Variants in PBRM1 observed in about 807,000 individuals in gnomAD.
PBRM1 encodes the protein polybromo 1, also known as protein polybromo-1.
A neutral mutation model predicts 194.5 loss-of-function variants in PBRM1; 27 were observed. The observed-to-expected ratio is 0.14, with a 90% CI of 0.10 to 0.19. The LOEUF (loss-of-function observed/expected upper bound fraction) is 0.19, where lower values mean the gene tolerates loss of function less well. PBRM1 is among the 10% of genes least tolerant of loss of function. PBRM1 has a pLI of 1.00. For synonymous variants in PBRM1, 655 were observed against 693.2 expected (o/e 0.94, Z 0.87); for missense variants, 1,466 against 2,077.2 (o/e 0.71, Z 5.72).
chr3:52,669,612 G>A (rs186486097), intron 2 of PBRM1, among the ~76,000 whole-genome samples: 1 of 152,218 alleles, frequency 6.6e-6, no homozygotes, highest in Admixed American at 6.5e-5. Flanking sequence ...ATAACATCAT[G>A]GCGATTAAGG....
intron 13 of PBRM1, 143 bp downstream of exon 15, chr3:52,624,750 GCTTT>G: frequency 1.6e-6 from 1 of 623,592 alleles, no homozygotes; most frequent in Non-Finnish European, 2.9e-6. Context: ...AAACTGTACT[GCTTT>G]CTTTATTCAT....
intron 20 of PBRM1, among the ~76,000 whole-genome samples, chr3:52,581,500 C>CAAAAAA (rs1286694923): frequency 1.4e-5 from 1 of 73,910 alleles, no homozygotes; most frequent in African/African-American, 4.9e-5. Context: ...GACTCTGTCT[C>CAAAAAA]AAAAAAAAAA....
At chr3:52,623,488 G>T (rs1252698002) in intron 13 of PBRM1, among the ~76,000 whole-genome samples, 1 of 152,150 alleles carries the variant, frequency 6.6e-6, no homozygotes, top group Non-Finnish European at 1.5e-5. Flanking sequence ...AAGTCTTCAA[G>T]AAATAAAACC....
intron 13 of PBRM1, among the ~76,000 whole-genome samples, chr3:52,618,681 G>A (rs188498682): frequency 0.11 from 16,844 of 147,464 alleles, 2,470 homozygotes; most frequent in African/African-American, 0.35. Context: ...CGCAACCTCT[G>A]CCTCCTGGGT....
chr3:52,612,747 T>G lies in PBRM1; in HGVS notation c.1924+2604A>C, dbSNP rs184494219. 2.6e-4 allele frequency among the ~76,000 whole-genome samples: 40 copies of G among 151,818 alleles called. 1 individual carries two copies. The East Asian group carries it at 7.0e-3, about 27-fold the overall frequency. ...GGTGAAGCCCTGTCTCTATTAAAAA[T>G]ACAAAAAAATTAGCTAGGCATGGTG... On this transcript the variant is annotated intron_variant, in intron 15 of 29. Transcript: ENST00000296302.
chr3:52,592,982 T>A (rs2093238808), intron 17 of PBRM1, among the ~76,000 whole-genome samples: 1 of 152,218 alleles, frequency 6.6e-6, no homozygotes, highest in Non-Finnish European at 1.5e-5. Context: ...TTATTTGTAT[T>A]TCTGAGGGGT....
At chr3:52,660,514 T>A (rs756113343) in intron 4 of PBRM1, among the ~76,000 whole-genome samples, 1 of 152,066 alleles carries the variant, frequency 6.6e-6, no homozygotes, top group East Asian at 1.9e-4. Flanking sequence ...TATCTATCTA[T>A]CTATCTATAT....
At chr3:52,589,046 T>C in intron 18 of PBRM1, 24 bp downstream of exon 20, 1 of 1,575,312 alleles carries the variant, frequency 6.3e-7, no homozygotes, top group Non-Finnish European at 8.7e-7. Flanking sequence ...CACTAAACTG[T>C]CCTTTGATTT....
At chr3:52,635,866 CTTAT>C (rs1201334534) in intron 10 of PBRM1, among the ~76,000 whole-genome samples, 3 of 151,476 alleles carry the variant, frequency 2.0e-5, no homozygotes, top group Non-Finnish European at 4.4e-5. Context: ...TTATTTATTT[CTTAT>C]TTATTTATTT....
At chr3:52,678,632 A>G in intron 1 of PBRM1, 35 bp from the exon 3 acceptor site, 1 of 1,348,280 alleles carries the variant, frequency 7.4e-7, no homozygotes, top group Non-Finnish European at 1.1e-6. Context: ...AATCACTAAA[A>G]AAGTGAACAG....
In PBRM1 at chr3:52,563,636, A is replaced by T. The variant is rs139671649; in HGVS notation, c.3876-143T>A. ...TAAAGGCAGCATGGAAAGAGTTTAA[A>T]TGTGTATTTATGAAATTACTTGTAC... On this transcript the variant is annotated intron_variant, in intron 23 of 29. Transcript: ENST00000296302. 14 of 614,776 alleles carry T rather than the reference A, an allele frequency of 2.3e-5. No individual in the cohort carries two copies. The African/African-American group carries it at 2.4e-4, about 11-fold the overall frequency. The allele number at this position is 614,776 out of a possible 1,614,324, so 38.1% of individuals were successfully genotyped here.
intron 17 of PBRM1, among the ~76,000 whole-genome samples, chr3:52,593,882 T>G (rs1220622739): frequency 6.6e-6 from 1 of 152,236 alleles, no homozygotes; most frequent in Non-Finnish European, 1.5e-5. Flanking sequence ...CATGTGGTAA[T>G]GAGAAGAATG....
At chr3:52,633,969 A>C (rs1362002453) in intron 11 of PBRM1, among the ~76,000 whole-genome samples, 2 of 152,250 alleles carry the variant, frequency 1.3e-5, no homozygotes, top group Admixed American at 1.3e-4. Context: ...AAAGAGAACA[A>C]GATGAATCAT....
At chr3:52,605,640 T>C (rs1210096630) in intron 16 of PBRM1, among the ~76,000 whole-genome samples, 1 of 151,636 alleles carries the variant, frequency 6.6e-6, no homozygotes, top group Non-Finnish European at 1.5e-5. Flanking sequence ...TTCGTTCTTG[T>C]TGCCCAGGCT....
chr3:52,549,452 A>G (rs1009426036), intron 29 of PBRM1, among the ~76,000 whole-genome samples: 4 of 152,232 alleles, frequency 2.6e-5, no homozygotes, highest in African/African-American at 9.6e-5. Context: ...TGCCTGGCCA[A>G]TAATTTTTAA....
chr3:52,604,555 T>C (rs148665045), intron 16 of PBRM1, among the ~76,000 whole-genome samples: 2 of 152,086 alleles, frequency 1.3e-5, no homozygotes, highest in Admixed American at 6.5e-5. Context: ...TAGCCTGGCA[T>C]TGGGGTACAC....
At chr3:52,599,090 T>G (rs551907556) in intron 17 of PBRM1, among the ~76,000 whole-genome samples, 5 of 151,374 alleles carry the variant, frequency 3.3e-5, no homozygotes, top group Non-Finnish European at 7.4e-5. Context: ...CTCAGGAGAC[T>G]GAGGCAAGAG....
intron 4 of PBRM1, among the ~76,000 whole-genome samples, 168 bp from the exon 6 acceptor site, chr3:52,658,483 C>T (rs1288224661): frequency 6.6e-6 from 1 of 151,798 alleles, no homozygotes; most frequent in Non-Finnish European, 1.5e-5. Flanking sequence ...CAACCTCCAC[C>T]TCCTGGGTTT....
In PBRM1 at chr3:52,550,402, T is replaced by G; in HGVS notation, c.4897+19A>C. ...AGGAAGCATGTATTTCACAAAGGCT[T>G]ATTTAGAAGGAATCTTACCTGCCAG... On this transcript the variant is annotated intron_variant, in intron 29 of 29. Coordinates refer to ENST00000296302, the Ensembl canonical transcript of PBRM1. 1 of 1,316,586 alleles carries G rather than the reference T, an allele frequency of 7.6e-7. No individual in the cohort carries two copies. The highest frequency in any genetic ancestry group is 1.0e-6 in the Non-Finnish European group (1 of 1,003,734). The allele number at this position is 1,316,586 out of a possible 1,614,324, so 81.6% of individuals were successfully genotyped here.
Sources: allele counts gnomAD v4.1 joint callset (sites outside exome capture counted in the v4.1 genomes callset), GRCh38; gene constraint gnomAD v4.1.1; transcripts MANE v1.5; gene names NCBI Gene and HGNC (gene_info 2026-07-23, HGNC 2026-07-21).